BCAS3: variants seen among roughly 807,000 people sequenced by gnomAD.
BCAS3 encodes the protein BCAS4/BCAS3 fusion.
A neutral mutation model predicts 116.1 loss-of-function variants in BCAS3; 53 were observed. The ratio of observed to expected loss-of-function variants is 0.46; its 90% confidence interval spans 0.37 to 0.57. BCAS3 has a LOEUF of 0.57. Among genes scored for constraint, BCAS3 ranks in the 20% least tolerant of loss-of-function variants. The probability of loss-of-function intolerance (pLI) is 0.00; values close to 1 mark genes in which losing one functional copy is unlikely to be tolerated. For synonymous variants in BCAS3, 391 were observed against 408.2 expected (o/e 0.96, Z 0.51); for missense variants, 917 against 1,165.4 (o/e 0.79, Z 3.10).
Position 60,763,888 on chromosome 17 carries a change from T to G in BCAS3, c.403+16609T>G, listed in dbSNP as rs181346312. ...TCAATTTCAGAGCCTGTTATCGGTC[T>G]ATTCAGAGATTCAACTTCTTCTTGG... On this transcript the variant is annotated intron_variant, in intron 6 of 23. Coordinates refer to ENST00000407086, the MANE Select transcript of BCAS3 (RefSeq NM_017679.5). 3.9e-5 allele frequency among the ~76,000 whole-genome samples: 6 copies of G among 152,360 alleles called. No individual in the cohort carries two copies. The East Asian group carries it at 1.2e-3, about 29-fold the overall frequency.
intron 22 of BCAS3, among the ~76,000 whole-genome samples, chr17:61,101,454 G>T (rs2074324804): frequency 6.6e-6 from 1 of 152,086 alleles, no homozygotes. Context: ...GTGGGGGAGT[G>T]CAAGGCAAGC....
chr17:61,130,580 A>G lies in BCAS3; in HGVS notation c.2425+46016A>G, dbSNP rs1378430854. On this transcript the variant is annotated intron_variant, in intron 22 of 23. Transcript: ENST00000407086. The surrounding 1 kb of genome is among the most constrained non-coding windows in gnomAD (Gnocchi z 5.0). ...TTTTATCCTGTCATCCCTGTTCTCA[A>G]GAATCTTCAGTTGTATCCCATTTTA... 1 of 152,194 alleles carries G rather than the reference A, an allele frequency of 6.6e-6. No homozygotes were observed. Among genetic ancestry groups the G allele is most frequent in the Non-Finnish European group, 1.5e-5 (1 of 68,048 alleles). The allele number at this position is 152,194 out of a possible 1,614,324, so 9.4% of individuals were successfully genotyped here. A position where few individuals can be genotyped will look rare whatever the true frequency, so the allele number is the denominator to read the frequency against.
In BCAS3 at chr17:61,333,628, T is replaced by TC. The variant is rs2056475275; in HGVS notation, c.2426-34699_2426-34698insC. On this transcript the variant is annotated intron_variant, in intron 22 of 23. Transcript: ENST00000407086. The surrounding 1 kb of genome is among the most constrained non-coding windows in gnomAD (Gnocchi z 4.8). ...TCTTGAAACTTTCTTTTTTTTTCTT[T>TC]TTTTTTTTTTGAGACAGAGTCTCGC... 1.3e-5 allele frequency among the ~76,000 whole-genome samples: 2 copies of TC among 150,952 alleles called. No homozygotes were observed. Among genetic ancestry groups the TC allele is most frequent in the African/African-American group, 4.9e-5 (2 of 41,058 alleles).
intron 6 of BCAS3, among the ~76,000 whole-genome samples, chr17:60,801,920 C>T (rs910849870): frequency 1.3e-5 from 2 of 152,022 alleles, no homozygotes; most frequent in African/African-American, 4.8e-5. Context: ...TGTCTGAGCC[C>T]ATCCTTTTCA....
intron 22 of BCAS3, among the ~76,000 whole-genome samples, chr17:61,160,790 T>G (rs1432813065): frequency 6.6e-6 from 1 of 152,176 alleles, no homozygotes; most frequent in Non-Finnish European, 1.5e-5. Context: ...AAGGCCCTAC[T>G]TGTGGCAGCT....
At chr17:61,310,336 C>T (rs906529177) in intron 22 of BCAS3, among the ~76,000 whole-genome samples, 7 of 152,200 alleles carry the variant, frequency 4.6e-5, no homozygotes, top group African/African-American at 1.7e-4. Flanking sequence ...CGTGGATCAC[C>T]TGAGGTCAGG....
At chr17:60,975,368 G>T (rs891308196) in intron 14 of BCAS3, among the ~76,000 whole-genome samples, 1 of 152,198 alleles carries the variant, frequency 6.6e-6, no homozygotes, top group South Asian at 2.1e-4. Context: ...AAAAATGCTC[G>T]TTTAGGCTTC....
At chr17:60,775,671 A>C (rs916786125) in intron 6 of BCAS3, among the ~76,000 whole-genome samples, 1 of 152,182 alleles carries the variant, frequency 6.6e-6, no homozygotes, top group Non-Finnish European at 1.5e-5. Flanking sequence ...TAACAACCAG[A>C]CACACTAATA....
At chr17:60,861,997 G>C (rs1009063054) in intron 7 of BCAS3, among the ~76,000 whole-genome samples, 2 of 152,076 alleles carry the variant, frequency 1.3e-5, no homozygotes, top group Non-Finnish European at 2.9e-5. Context: ...AATGAAGCTG[G>C]CTTCGGCCGG....
intron 22 of BCAS3, among the ~76,000 whole-genome samples, chr17:61,230,419 G>A (rs1368515797): frequency 6.6e-6 from 1 of 151,996 alleles, no homozygotes. Context: ...AGTGAGCATA[G>A]CGCCCAATAG....
chr17:60,851,462 A>C, intron 7 of BCAS3: 10 of 511,608 alleles, frequency 2.0e-5, no homozygotes, highest in Non-Finnish European at 3.9e-5. Context: ...TGTCAGCTAA[A>C]CTTGCTCCTG....
chr17:61,311,936 C>T (rs924712436), intron 22 of BCAS3, among the ~76,000 whole-genome samples: 4 of 151,976 alleles, frequency 2.6e-5, no homozygotes, highest in Non-Finnish European at 5.9e-5. Context: ...ATCTTGGCAC[C>T]CTGTGTTGAA....
At chr17:60,928,425 G>A (rs891723460) in intron 13 of BCAS3, among the ~76,000 whole-genome samples, 2 of 152,184 alleles carry the variant, frequency 1.3e-5, no homozygotes, top group Non-Finnish European at 2.9e-5. Flanking sequence ...GGACTCATTA[G>A]TTTGTTGTGC....
rs1261236279 is a variant in BCAS3 at position 61,131,327 on chromosome 17, A to G, written c.2425+46763A>G. ...TAATGACATCACTGAAACAGCAGGT[A>G]TGACAGAGGGTTCCCTGACTTTGAT... On this transcript the variant is annotated intron_variant, in intron 22 of 23. Transcript: ENST00000407086. The surrounding 1 kb of genome is among the most constrained non-coding windows in gnomAD (Gnocchi z 4.4). Among the ~76,000 whole-genome samples the G allele has an allele frequency of 6.6e-6, 1 of 152,206 alleles. No individual in the cohort carries two copies. The highest frequency in any genetic ancestry group is 1.5e-5 in the Non-Finnish European group (1 of 68,034).
At chr17:60,837,652 C>CT (rs371521233) in intron 7 of BCAS3, among the ~76,000 whole-genome samples, 14,502 of 136,930 alleles carry the variant, frequency 0.11, 2,290 homozygotes, top group African/African-American at 0.35. Flanking sequence ...TTTCACAATA[C>CT]TTTTTTTTTT....
intron 6 of BCAS3, among the ~76,000 whole-genome samples, chr17:60,778,641 G>C (rs149001747): frequency 2.0e-5 from 3 of 152,252 alleles, no homozygotes; most frequent in Non-Finnish European, 4.4e-5. Context: ...GTGTTACTCA[G>C]CAAGACTTAT....
intron 13 of BCAS3, among the ~76,000 whole-genome samples, chr17:60,934,222 T>C (rs1306841794): frequency 6.6e-6 from 1 of 152,166 alleles, no homozygotes. Flanking sequence ...AGGTCCCACC[T>C]AAAGTCCTAA....
chr17:60,859,703 GGATTACAGGTGTGCAC>G (rs1221511977), intron 7 of BCAS3, among the ~76,000 whole-genome samples: 12 of 151,916 alleles, frequency 7.9e-5, no homozygotes, highest in African/African-American at 2.7e-4. Context: ...TAAGTAGCTG[GGATTACAGGTGTGCAC>G]GACCACGCCC....
intron 5 of BCAS3, among the ~76,000 whole-genome samples, chr17:60,743,801 A>G (rs1304784796): frequency 6.6e-6 from 1 of 152,160 alleles, no homozygotes; most frequent in African/African-American, 2.4e-5. Context: ...TTCTGTGTGT[A>G]TATTATTGTC....
Sources: gnomAD v4.1 joint callset for allele counts (sites outside exome capture counted in the v4.1 genomes callset) on GRCh38, gnomAD v4.1.1 for gene constraint, Gnocchi (gnomAD v3.1) non-coding constraint, MANE v1.5 for transcripts, NCBI Gene and HGNC (gene_info 2026-07-23, HGNC 2026-07-21) for gene names.